NRXN3: variants seen among roughly 807,000 people sequenced by gnomAD.
The protein encoded by NRXN3 is neurexin III.
A neutral mutation model predicts 137.6 loss-of-function variants in NRXN3; 32 were observed. The observed-to-expected ratio is 0.23, with a 90% confidence interval of 0.18 to 0.31. The LOEUF (loss-of-function observed/expected upper bound fraction) is 0.31, where lower values mean the gene tolerates loss of function less well. Among genes scored for constraint, NRXN3 ranks in the 10% least tolerant of loss-of-function variants. NRXN3 has a pLI of 1.00. For missense variants in NRXN3, 1,574 were observed against 2,062.5 expected (o/e 0.76, Z 4.59); for synonymous variants, 798 against 784.5 (o/e 1.02, Z -0.29).
At chr14:79,615,895 G>A (rs1159887342) in intron 16 of NRXN3, among the ~76,000 whole-genome samples, 1 of 152,142 alleles carries the variant, frequency 6.6e-6, no homozygotes, top group African/African-American at 2.4e-5. Context: ...AATCTTTATA[G>A]TGATAGTGAT....
intron 6 of NRXN3, among the ~76,000 whole-genome samples, chr14:78,685,461 T>C (rs2098117118): frequency 6.6e-6 from 1 of 151,938 alleles, no homozygotes; most frequent in East Asian, 1.9e-4. Context: ...CACCTCCTCA[T>C]TCACCCTGAT....
Position 79,800,596 on chromosome 14 carries a change from C to T in NRXN3, c.4015-4516C>T, listed in dbSNP as rs2099175160. ...ATTTTATTAAAAGGCAGAGATCCAC[C>T]AATTTGTTCTACTTATAGCAATTCT... is the stretch of plus-strand genomic sequence containing the variant. On this transcript the variant is annotated intron_variant, in intron 19 of 20. Transcript: ENST00000335750. Among the ~76,000 whole-genome samples, 3 of 152,284 alleles carry T rather than the reference C, an allele frequency of 2.0e-5. No individual in the cohort carries two copies. In the Middle Eastern group the frequency reaches 0.01, roughly 518 times the overall value.
chr14:79,379,308 A>G (rs778431911), intron 15 of NRXN3, among the ~76,000 whole-genome samples: 27 of 152,152 alleles, frequency 1.8e-4, no homozygotes, highest in Non-Finnish European at 3.5e-4. Context: ...TTTAGTGAAG[A>G]CAAATGGTGG....
intron 4 of NRXN3, among the ~76,000 whole-genome samples, chr14:78,436,752 C>A (rs899447303): frequency 2.0e-5 from 3 of 152,314 alleles, no homozygotes; most frequent in African/African-American, 7.2e-5. Flanking sequence ...TTATCTATAA[C>A]CCCCTGCTGC....
At chr14:78,797,492 A>G (rs1487469701) in intron 8 of NRXN3, among the ~76,000 whole-genome samples, 1 of 152,228 alleles carries the variant, frequency 6.6e-6, no homozygotes, top group Non-Finnish European at 1.5e-5. Flanking sequence ...AAATTAAAGG[A>G]GAATGAGAAC....
At chr14:79,385,986 C>G in intron 15 of NRXN3, among the ~76,000 whole-genome samples, 1 of 152,132 alleles carries the variant, frequency 6.6e-6, no homozygotes, top group East Asian at 1.9e-4. Flanking sequence ...GGCAAACCCA[C>G]AGCCAATATC....
intron 1 of NRXN3, among the ~76,000 whole-genome samples, chr14:78,184,817 T>G (rs1479125733): frequency 6.6e-6 from 1 of 151,682 alleles, no homozygotes; most frequent in African/African-American, 2.4e-5. Context: ...AACTAGGGAG[T>G]TGCGCAAGTA....
At chr14:79,161,209 G>A (rs2060736057) in intron 15 of NRXN3, among the ~76,000 whole-genome samples, 3 of 152,020 alleles carry the variant, frequency 2.0e-5, no homozygotes, top group Non-Finnish European at 4.4e-5. Flanking sequence ...AGAGAGTGAA[G>A]TGGGGAAAAT....
intron 10 of NRXN3, among the ~76,000 whole-genome samples, chr14:78,812,499 C>A (rs927390049): frequency 7.9e-5 from 12 of 152,244 alleles, no homozygotes; most frequent in African/African-American, 2.9e-4. Context: ...ATCAGGATAT[C>A]AGAATTTGCT....
At chr14:79,557,470 T>C (rs1020942558) in intron 16 of NRXN3, among the ~76,000 whole-genome samples, 2 of 152,146 alleles carry the variant, frequency 1.3e-5, no homozygotes, top group African/African-American at 4.8e-5. Flanking sequence ...TTTGGAGATG[T>C]TGTGGATTCT....
chr14:79,492,729 C>A (rs2096729009), intron 16 of NRXN3, among the ~76,000 whole-genome samples: 1 of 152,082 alleles, frequency 6.6e-6, no homozygotes, highest in Admixed American at 6.6e-5. Context: ...TTTCAAAGAA[C>A]CTTATTGGTA....
At chr14:78,508,538 A>T (rs986801918) in intron 4 of NRXN3, among the ~76,000 whole-genome samples, 1 of 152,068 alleles carries the variant, frequency 6.6e-6, no homozygotes, top group African/African-American at 2.4e-5. Flanking sequence ...TTTGTTTTGT[A>T]TGCTAGAAAG....
At chr14:78,612,629 C>T (rs1436515332) in intron 4 of NRXN3, among the ~76,000 whole-genome samples, 3 of 152,196 alleles carry the variant, frequency 2.0e-5, no homozygotes, top group East Asian at 1.9e-4. Context: ...TGCCACTTGC[C>T]AGATTTGTAG....
At chr14:78,287,986 C>T (rs954788191) in intron 3 of NRXN3, among the ~76,000 whole-genome samples, 6 of 145,994 alleles carry the variant, frequency 4.1e-5, no homozygotes, top group Admixed American at 2.7e-4. Context: ...AGGACTCCCC[C>T]TTTTTTTTTT....
intron 1 of NRXN3, among the ~76,000 whole-genome samples, chr14:78,199,394 T>C (rs1384711116): frequency 6.6e-6 from 1 of 152,124 alleles, no homozygotes; most frequent in Non-Finnish European, 1.5e-5. Flanking sequence ...AAAGTAGCAA[T>C]AATAAGAGCC....
intron 8 of NRXN3, among the ~76,000 whole-genome samples, chr14:78,716,620 G>A (rs999002239): frequency 1.4e-4 from 21 of 152,176 alleles, no homozygotes; most frequent in African/African-American, 4.8e-4. Context: ...CCTATCAGAA[G>A]ATAGGTGATG....
chr14:78,396,615 G>A lies in NRXN3; in HGVS notation c.757+98755G>A, dbSNP rs560745392. Among the ~76,000 whole-genome samples, 5 of 152,274 alleles carry A rather than the reference G, an allele frequency of 3.3e-5. 1 individual carries two copies. In the South Asian group the frequency reaches 1.0e-3, roughly 32 times the overall value. ...CACAGATAAGAATTCTAGATTGACA[G>A]TCATTTTCTTTCTGCATTTAAAACA... On this transcript the variant is annotated intron_variant, in intron 4 of 20. Transcript: ENST00000335750.
At chr14:78,610,594 G>T (rs1399101684) in intron 4 of NRXN3, among the ~76,000 whole-genome samples, 1 of 152,224 alleles carries the variant, frequency 6.6e-6, no homozygotes, top group Non-Finnish European at 1.5e-5. Flanking sequence ...AGTAGTTGAT[G>T]ATTCTGTGAA....
At chr14:78,823,371 T>C (rs1283677713) in intron 10 of NRXN3, among the ~76,000 whole-genome samples, 1 of 152,180 alleles carries the variant, frequency 6.6e-6, no homozygotes, top group African/African-American at 2.4e-5. Flanking sequence ...GTGTGCCCTA[T>C]AGACTGTTCC....
Sources: allele counts gnomAD v4.1 joint callset (sites outside exome capture counted in the v4.1 genomes callset), GRCh38; gene constraint gnomAD v4.1.1; transcripts MANE v1.5; gene names NCBI Gene and HGNC (gene_info 2026-07-23, HGNC 2026-07-21).